CFAP20DC: variants seen among roughly 807,000 people sequenced by gnomAD.
The protein encoded by CFAP20DC is protein CFAP20DC.
A neutral mutation model predicts 101.7 loss-of-function variants in CFAP20DC; 84 were observed. The ratio of observed to expected loss-of-function variants is 0.83; its 90% CI spans 0.69 to 0.99. CFAP20DC has a LOEUF of 0.99. Among genes scored for constraint, CFAP20DC ranks in the 50% least tolerant of loss-of-function variants. The pLI is 0.00. For synonymous variants in CFAP20DC, 359 were observed against 351.2 expected, an observed-to-expected ratio of 1.02 and a Z score of -0.25; for missense variants, 1,007 against 970.3, an observed-to-expected ratio of 1.04 and a Z score of -0.50.
At chr3:58,895,735 T>C (rs1559785455) in intron 6 of CFAP20DC, among the ~76,000 whole-genome samples, 1 of 152,190 alleles carries the variant, frequency 6.6e-6, no homozygotes, top group Non-Finnish European at 1.5e-5. Flanking sequence ...GATAAAGACA[T>C]ACCCGAGACT....
At chr3:58,802,558 C>T (rs1451167253) in intron 15 of CFAP20DC, among the ~76,000 whole-genome samples, 1 of 152,176 alleles carries the variant, frequency 6.6e-6, no homozygotes, top group Non-Finnish European at 1.5e-5. Context: ...CACCCCATGC[C>T]TAACAGCGTA....
At chr3:58,919,936 G>C (rs537385945) in intron 5 of CFAP20DC, among the ~76,000 whole-genome samples, 1 of 152,130 alleles carries the variant, frequency 6.6e-6, no homozygotes, top group East Asian at 1.9e-4. Context: ...CATAAATGAT[G>C]ACGTTGTTTG....
At chr3:58,982,047 G>A (rs1576585078) in intron 4 of CFAP20DC, among the ~76,000 whole-genome samples, 1 of 151,862 alleles carries the variant, frequency 6.6e-6, no homozygotes, top group African/African-American at 2.4e-5. Context: ...AGTGGGTGAA[G>A]GACATGAACA....
At chr3:58,872,374 C>A (rs1324430019) in intron 7 of CFAP20DC, among the ~76,000 whole-genome samples, 1 of 142,344 alleles carries the variant, frequency 7.0e-6, no homozygotes, top group Non-Finnish European at 1.5e-5. Flanking sequence ...TCCTATGCAT[C>A]AGTCTTAAAA....
chr3:58,857,915 C>G (rs537819169), intron 12 of CFAP20DC, among the ~76,000 whole-genome samples: 5 of 152,182 alleles, frequency 3.3e-5, no homozygotes, highest in African/African-American at 9.6e-5. Flanking sequence ...ATTGATTTCA[C>G]GTATGTAATT....
In CFAP20DC at chr3:58,849,413, T is replaced by C. The variant is rs1263774670; in HGVS notation, c.1594-4A>G. 5.3e-6 allele frequency: 8 copies of C among 1,499,086 alleles called. No individual in the cohort carries two copies. Among genetic ancestry groups the C allele is most frequent in the Middle Eastern group, 3.4e-4 (2 of 5,818 alleles). The allele number at this position is 1,499,086 out of a possible 1,614,324, so 92.9% of individuals were successfully genotyped here. On this transcript the variant is annotated splice_region_variant and splice_polypyrimidine_tract_variant and intron_variant, in intron 12 of 16. Transcript: ENST00000482387. ...AACCCTGGATACTGTGGTTACCCTA[T>C]GTTGGGGAACAAAGTAAAAATAATT...
rs201917084 is a variant in CFAP20DC, at chr3:58,914,575, GA to G, written c.394-712del. ...GACAAAAGCCAGAAAAATAATTTTT[GA>G]AATGAAAAGTAGTATTAAAGTTTTA... On this transcript the variant is annotated intron_variant, in intron 5 of 16. Coordinates refer to ENST00000482387, the MANE Select transcript of CFAP20DC (RefSeq NM_001394063.1). This position sits in a 1 kb window ranked among gnomAD's most constrained non-coding sequence, Gnocchi z 4.9. Among the ~76,000 whole-genome samples the G allele has an allele frequency of 1.5e-3, 221 of 151,868 alleles. 2 individuals carry two copies. Among genetic ancestry groups the G allele is most frequent in the East Asian group, 0.01 (53 of 5,168 alleles).
At chr3:58,900,511 A>G (rs1295641495) in intron 6 of CFAP20DC, among the ~76,000 whole-genome samples, 7 of 152,236 alleles carry the variant, frequency 4.6e-5, no homozygotes, top group Non-Finnish European at 8.8e-5. Flanking sequence ...GTTCTTTCAG[A>G]CATGTTCTAT....
rs2091977674 is a variant in CFAP20DC at position 58,971,995 on chromosome 3, G to C, written c.279-34233C>G. ...TATAGGTGTGGATTACTTTAATTCT[G>C]TATGCAATTTTAAAATGGCAGAGTT... On this transcript the variant is annotated intron_variant, in intron 4 of 16. Transcript: ENST00000482387. This position sits in a 1 kb window ranked among gnomAD's most constrained non-coding sequence, Gnocchi z 4.1. Among the ~76,000 whole-genome samples the C allele has an allele frequency of 6.6e-6, 1 of 151,956 alleles. No homozygotes were observed. The highest frequency in any genetic ancestry group is 1.5e-5 in the Non-Finnish European group (1 of 68,006).
chr3:58,822,673 A>G (rs1049473361), intron 14 of CFAP20DC, among the ~76,000 whole-genome samples: 1 of 152,164 alleles, frequency 6.6e-6, no homozygotes, highest in Non-Finnish European at 1.5e-5. Context: ...AAAGTAACCA[A>G]TGGAAACTTT....
At position 58,732,320 on chromosome 3, in the gene CFAP20DC, G is replaced by A. The variant is rs991029463; in HGVS notation, c.198-14692C>T. 6.6e-6 allele frequency among the ~76,000 whole-genome samples: 1 copy of A among 152,148 alleles called. No homozygotes were observed. Among genetic ancestry groups the A allele is most frequent in the Non-Finnish European group, 1.5e-5 (1 of 68,014 alleles). On this transcript the variant is annotated intron_variant, in intron 3 of 3. Coordinates refer to the CFAP20DC transcript ENST00000486145. The surrounding 1 kb of genome is among the most constrained non-coding windows in gnomAD (Gnocchi z 5.4). ...AAATGCCACAGGAATAACACAAAATGCATTTTTAAAAACTACTGAGCTTTG... is the reference window on the plus strand; with the variant it reads ...AAATGCCACAGGAATAACACAAAATACATTTTTAAAAACTACTGAGCTTTG...
chr3:59,019,177 G>C (rs1211039518), intron 4 of CFAP20DC: 2 of 152,048 alleles, frequency 1.3e-5, no homozygotes, highest in Non-Finnish European at 2.9e-5. Flanking sequence ...CTTAAGTTTT[G>C]TAAGAGCGAA....
chr3:58,846,268 T>C (rs1483439947), intron 13 of CFAP20DC, among the ~76,000 whole-genome samples: 24 of 152,032 alleles, frequency 1.6e-4, no homozygotes, highest in African/African-American at 5.6e-4. Flanking sequence ...GAAAATCCCA[T>C]TGTCTCAGCC....
chr3:58,983,467 T>G (rs533248972), intron 4 of CFAP20DC, among the ~76,000 whole-genome samples: 1 of 152,320 alleles, frequency 6.6e-6, no homozygotes, highest in East Asian at 1.9e-4. Context: ...GATGGCAGTT[T>G]TAGAACTTAT....
chr3:58,726,420 C>G (rs2067552738), intron 3 of CFAP20DC: 2 of 153,036 alleles, frequency 1.3e-5, no homozygotes, highest in Non-Finnish European at 2.9e-5. Context: ...AGGATCCAGT[C>G]TGGCAGAATG....
At chr3:58,885,162 A>G (rs1301951390) in intron 6 of CFAP20DC, among the ~76,000 whole-genome samples, 1 of 152,172 alleles carries the variant, frequency 6.6e-6, no homozygotes, top group Non-Finnish European at 1.5e-5. Context: ...AACTTATTTG[A>G]AATAATTTTA....
intron 5 of CFAP20DC, among the ~76,000 whole-genome samples, chr3:58,936,810 T>C (rs1184889306): frequency 6.6e-6 from 1 of 151,986 alleles, no homozygotes; most frequent in Non-Finnish European, 1.5e-5. Context: ...CTTTAGGAGA[T>C]ATACCTAATG....
chr3:58,884,634 A>G lies in CFAP20DC; in HGVS notation c.626T>C (p.Val209Ala). ...IPRSCQLMTD[V>A]PHVTQLLNMT... ...GTTTAGCAGCTGTGTGACATGTGGA[A>G]CATCTGTCATTAGTTGACAGCTTCG... The change falls in exon 7 of 17, where the codon GTT becomes GCT. Residue 209 changes from valine to alanine, a missense_variant. Transcript: ENST00000482387. 4 of 1,613,844 alleles carry G rather than the reference A, an allele frequency of 2.5e-6. No homozygotes were observed. The highest frequency in any genetic ancestry group is 2.5e-6 in the Non-Finnish European group (3 of 1,179,728).
chr3:58,937,297 C>T (rs2087837843), intron 5 of CFAP20DC, among the ~76,000 whole-genome samples: 1 of 152,170 alleles, frequency 6.6e-6, no homozygotes, highest in African/African-American at 2.4e-5. Context: ...CTATCTCTCC[C>T]TGTTGAAATC....
Sources: allele counts gnomAD v4.1 joint callset (sites outside exome capture counted in the v4.1 genomes callset), GRCh38; gene constraint gnomAD v4.1.1; non-coding constraint Gnocchi (gnomAD v3.1); transcripts MANE v1.5; gene names NCBI Gene and HGNC (gene_info 2026-07-23, HGNC 2026-07-21).